ZBBX: variants seen among roughly 807,000 people sequenced by gnomAD.
ZBBX encodes the protein zinc finger B-box domain containing.
In ZBBX, 101 loss-of-function variants were observed where a neutral mutation model predicts 108.5. The ratio of observed to expected loss-of-function variants is 0.93; its 90% CI spans 0.79 to 1.10. The LOEUF is 1.10. Ranked by LOEUF, ZBBX falls within the 50% of genes least tolerant of loss-of-function variation. The pLI, the probability that ZBBX is intolerant of heterozygous loss-of-function variation, is 0.00. For missense variants in ZBBX, 1,009 were observed against 941.4 expected, an observed-to-expected ratio of 1.07 and a Z score of -0.94; for synonymous variants, 356 against 323.4, an observed-to-expected ratio of 1.10 and a Z score of -1.08.
intron 21 of ZBBX, among the ~76,000 whole-genome samples, chr3:167,242,049 G>T (rs1327524443): frequency 6.6e-6 from 1 of 152,032 alleles, no homozygotes; most frequent in Non-Finnish European, 1.5e-5. Context: ...AGGAAAGAAT[G>T]ATATCATACA....
rs1745241901 is a variant in ZBBX, at chr3:167,365,887, T to C, written c.272A>G (p.Lys91Arg). The change falls in exon 6 of 22, where the codon AAG becomes AGG. Residue 91 changes from lysine (K) to arginine (R), a missense_variant and splice_region_variant. Lys to Arg is a conservative substitution (Grantham distance 26, BLOSUM62 2). Transcript: ENST00000675490. The stretch of plus-strand genomic sequence containing the variant: ...AAGAATCAAATAGTATCTTCTTACC[T>C]TAACAACATTTCCTTTATTTTGTGA... Reference protein sequence around the residue: ...MMSQNKGNVVKFSAGKVKLKL... With the variant: ...MMSQNKGNVVRFSAGKVKLKL... 1.2e-6 allele frequency: 2 copies of C among 1,603,378 alleles called. No individual in the cohort carries two copies. The highest frequency in any genetic ancestry group is 1.7e-6 in the Non-Finnish European group (2 of 1,172,934).
chr3:167,279,759 T>C (rs1275045591), intron 20 of ZBBX, among the ~76,000 whole-genome samples: 4 of 152,006 alleles, frequency 2.6e-5, no homozygotes, highest in African/African-American at 9.7e-5. Flanking sequence ...TTAAAGTTCA[T>C]ATGGAACCAG....
At chr3:167,257,007 T>C (rs1723640055) in intron 20 of ZBBX, among the ~76,000 whole-genome samples, 1 of 152,122 alleles carries the variant, frequency 6.6e-6, no homozygotes, top group South Asian at 2.1e-4. Context: ...GATTAATGGG[T>C]CGTATTGTAG....
At chr3:167,219,333 T>A in the ZBBX span, among the ~76,000 whole-genome samples, 1 of 152,032 alleles carries the variant, frequency 6.6e-6, no homozygotes, top group Non-Finnish European at 1.5e-5. Context: ...GAATACAGAT[T>A]CTACTACCAC....
chr3:167,395,413 G>A (rs1356962212), intron 1 of ZBBX, among the ~76,000 whole-genome samples: 1 of 151,934 alleles, frequency 6.6e-6, no homozygotes, highest in Non-Finnish European at 1.5e-5. Context: ...ACAATAACAG[G>A]CAGGAGTGCC....
At chr3:167,201,501 T>C in the ZBBX span, among the ~76,000 whole-genome samples, 1 of 152,156 alleles carries the variant, frequency 6.6e-6, no homozygotes, top group Non-Finnish European at 1.5e-5. Context: ...CCATTACTGA[T>C]GGTTTCCATT....
At chr3:167,325,316 G>T (rs990515644) in intron 11 of ZBBX, among the ~76,000 whole-genome samples, 1 of 152,086 alleles carries the variant, frequency 6.6e-6, no homozygotes, top group Non-Finnish European at 1.5e-5. Flanking sequence ...AATCATGACA[G>T]AAGACAAAGG....
intron 9 of ZBBX, among the ~76,000 whole-genome samples, chr3:167,348,174 A>G (rs1280005758): frequency 4.1e-5 from 6 of 147,344 alleles, no homozygotes; most frequent in East Asian, 4.2e-4. Flanking sequence ...AGAGAGAAAG[A>G]GAGAAAAAGA....
intron 4 of ZBBX, among the ~76,000 whole-genome samples, chr3:167,369,371 C>T (rs1333051368): frequency 6.6e-6 from 1 of 152,116 alleles, no homozygotes. Flanking sequence ...AAAATCAAGG[C>T]ATAATAAAGT....
At chr3:167,251,925 A>AACACACACACAC (rs3221849) in intron 20 of ZBBX, among the ~76,000 whole-genome samples, 8,677 of 143,680 alleles carry the variant, frequency 0.06, 394 homozygotes, top group Middle Eastern at 0.12. Flanking sequence ...TTGTGCCTGC[A>AACACACACACAC]ACACACACAC....
chr3:167,275,371 G>A (rs905300889), intron 20 of ZBBX, among the ~76,000 whole-genome samples: 2 of 152,158 alleles, frequency 1.3e-5, no homozygotes, highest in African/African-American at 4.8e-5. Context: ...GAGGTACCGG[G>A]TTCATCTCAC....
chr3:167,298,154 T>G, intron 18 of ZBBX, 151 bp downstream of exon 18: 1 of 506,144 alleles, frequency 2.0e-6, no homozygotes, highest in East Asian at 3.5e-5. Context: ...CACATTCTGA[T>G]AGTAACCTTA....
intron 12 of ZBBX, among the ~76,000 whole-genome samples, chr3:167,318,902 C>T (rs1735921676): frequency 6.6e-6 from 1 of 151,780 alleles, no homozygotes; most frequent in African/African-American, 2.4e-5. Flanking sequence ...CAATGAGATA[C>T]AACTACACGC....
At chr3:167,250,474 TA>T (rs1420678523) in intron 20 of ZBBX, among the ~76,000 whole-genome samples, 2 of 152,134 alleles carry the variant, frequency 1.3e-5, no homozygotes, top group Non-Finnish European at 2.9e-5. Context: ...TCTCTGGCAC[TA>T]AATTCTTTCC....
At chr3:167,199,775 G>A in the ZBBX span, among the ~76,000 whole-genome samples, 1 of 152,114 alleles carries the variant, frequency 6.6e-6, no homozygotes, top group African/African-American at 2.4e-5. Context: ...CCTCCATAGG[G>A]TTTACAGATT....
At chr3:167,391,365 T>A (rs564668717) in intron 1 of ZBBX, among the ~76,000 whole-genome samples, 1 of 152,226 alleles carries the variant, frequency 6.6e-6, no homozygotes, top group East Asian at 1.9e-4. Flanking sequence ...AACTTTTTGA[T>A]GTGCTGCTGG....
At chr3:167,222,279 C>T in the ZBBX span, among the ~76,000 whole-genome samples, 1 of 151,184 alleles carries the variant, frequency 6.6e-6, no homozygotes, top group Non-Finnish European at 1.5e-5. Flanking sequence ...AACTGGAGGT[C>T]ATCATGTTAA....
the ZBBX span, among the ~76,000 whole-genome samples, chr3:167,209,812 G>T: frequency 6.6e-6 from 1 of 152,162 alleles, no homozygotes; most frequent in Non-Finnish European, 1.5e-5. Flanking sequence ...ATAGCTGGCT[G>T]GGAGTGATGG....
intron 1 of ZBBX, among the ~76,000 whole-genome samples, chr3:167,402,716 C>T (rs1395206337): frequency 6.6e-6 from 1 of 151,016 alleles, no homozygotes; most frequent in Admixed American, 6.6e-5. Context: ...TGGGTAATCT[C>T]AGCAGAGAAT....
Sources: allele counts gnomAD v4.1 joint callset (sites outside exome capture counted in the v4.1 genomes callset), GRCh38; gene constraint gnomAD v4.1.1; transcripts MANE v1.5; gene names NCBI Gene and HGNC (gene_info 2026-07-23, HGNC 2026-07-21).